Variants in COPG2 observed in about 807,000 individuals in gnomAD.
COPG2 encodes coat protein complex I subunit gamma 2, also known as coatomer subunit gamma-2.
COPG2 carries 37 observed loss-of-function variants against 46.3 expected under a neutral mutation model. That is an observed-to-expected ratio of 0.80 (90% CI 0.61 to 1.05). The LOEUF (loss-of-function observed/expected upper bound fraction) is 1.05. Among genes scored for constraint, COPG2 ranks in the 50% least tolerant of loss-of-function variants. The pLI, the probability that COPG2 is intolerant of heterozygous loss-of-function variation, is 0.00. For missense variants in COPG2, 427 were observed against 387.8 expected (o/e 1.10, Z -0.85); for synonymous variants, 159 against 129.7 (o/e 1.23, Z -1.53).
At chr7:130,619,421 C>T (rs1795001446) in intron 5 of COPG2, among the ~76,000 whole-genome samples, 1 of 151,988 alleles carries the variant, frequency 6.6e-6, no homozygotes, top group Non-Finnish European at 1.5e-5. Flanking sequence ...TTTGTCGCTG[C>T]CATAAAACTT....
intron 5 of COPG2, among the ~76,000 whole-genome samples, chr7:130,625,996 T>C (rs1554454236): frequency 6.6e-6 from 1 of 152,190 alleles, no homozygotes; most frequent in Non-Finnish European, 1.5e-5. Flanking sequence ...ACATAATAAT[T>C]GTATATACTG....
intron 5 of COPG2, among the ~76,000 whole-genome samples, chr7:130,643,937 C>A (rs1795542366): frequency 6.6e-6 from 1 of 152,156 alleles, no homozygotes; most frequent in African/African-American, 2.4e-5. Context: ...CCACTGCACT[C>A]CAGCCTGGGT....
chr7:130,595,733 G>A lies in COPG2; in HGVS notation c.737+15220C>T, dbSNP rs138154629. On this transcript the variant is annotated intron_variant, in intron 9 of 23. Coordinates refer to ENST00000425248, the MANE Select transcript of COPG2 (RefSeq NM_012133.6). ...TTTCACTATTTTCTGACTCATCCTT[G>A]AATTCCTTCTCATGATGGTGTCAAG... Among the ~76,000 whole-genome samples, 964 of 152,210 alleles carry A rather than the reference G, an allele frequency of 6.3e-3. 8 individuals carry two copies. The highest frequency in any genetic ancestry group is 0.022 in the African/African-American group (912 of 41,528).
chr7:130,656,237 G>T, intron 4 of COPG2, among the ~76,000 whole-genome samples: 1 of 149,492 alleles, frequency 6.7e-6, no homozygotes, highest in African/African-American at 2.5e-5. Flanking sequence ...CAATTAGTTT[G>T]GAAGAGAAAA....
intron 9 of COPG2, among the ~76,000 whole-genome samples, chr7:130,588,362 C>T (rs1427228203): frequency 1.3e-5 from 2 of 151,932 alleles, no homozygotes; most frequent in Admixed American, 1.3e-4. Context: ...TTTATTGCAG[C>T]ATTATTCACA....
chr7:130,558,672 C>T (rs1793668699), intron 12 of COPG2, among the ~76,000 whole-genome samples: 1 of 152,112 alleles, frequency 6.6e-6, no homozygotes, highest in African/African-American at 2.4e-5. Flanking sequence ...AGGTGTGCAC[C>T]ACCATGTCTG....
chr7:130,577,217 G>A (rs1331522730), intron 9 of COPG2, among the ~76,000 whole-genome samples: 2 of 152,228 alleles, frequency 1.3e-5, no homozygotes, highest in Non-Finnish European at 2.9e-5. Flanking sequence ...CAGTGTGAGC[G>A]ACGCAGAAGA....
intron 9 of COPG2, among the ~76,000 whole-genome samples, chr7:130,600,557 C>T (rs1794616902): frequency 6.6e-6 from 1 of 152,186 alleles, no homozygotes; most frequent in Non-Finnish European, 1.5e-5. Flanking sequence ...GCCACTATGC[C>T]TGGCCCATTT....
intron 20 of COPG2, among the ~76,000 whole-genome samples, chr7:130,524,679 T>C (rs1799757346): frequency 6.6e-6 from 1 of 152,016 alleles, no homozygotes. Flanking sequence ...TGTGACGCAG[T>C]TCATGGATGA....
At chr7:130,605,500 A>C (rs1246089908) in intron 9 of COPG2, among the ~76,000 whole-genome samples, 1 of 152,256 alleles carries the variant, frequency 6.6e-6, no homozygotes, top group Admixed American at 6.5e-5. Context: ...GGCAAATCAG[A>C]GAGATTCAAA....
intron 9 of COPG2, among the ~76,000 whole-genome samples, chr7:130,588,109 A>C (rs535510031): frequency 0.74 from 109,085 of 148,382 alleles, 40,308 homozygotes; most frequent in Non-Finnish European, 0.79. Context: ...CCATCTCACA[A>C]CAGTTAGAAT....
intron 5 of COPG2, among the ~76,000 whole-genome samples, chr7:130,621,475 T>C (rs924354701): frequency 1.1e-4 from 16 of 152,228 alleles, no homozygotes; most frequent in Non-Finnish European, 1.6e-4. Flanking sequence ...AAGGCAGTTA[T>C]ACACAATACA....
Position 130,652,950 on chromosome 7 carries a change from T to G in COPG2, c.244-2A>C. 1 of 1,584,704 alleles carries G rather than the reference T, an allele frequency of 6.3e-7. No homozygotes were observed. Among genetic ancestry groups the G allele is most frequent in the Non-Finnish European group, 8.6e-7 (1 of 1,159,722 alleles). On this transcript the variant is annotated splice_acceptor_variant, in intron 4 of 23. Coordinates refer to ENST00000425248, the MANE Select transcript of COPG2 (RefSeq NM_012133.6). LOFTEE classifies it high-confidence loss of function. ...GTAGCACATTCTCCTCAATGTTTGC[T>G]GAAAAATCATTTATAAAAGGTAACA...
At chr7:130,628,196 G>C (rs1441296742) in intron 5 of COPG2, among the ~76,000 whole-genome samples, 7 of 152,046 alleles carry the variant, frequency 4.6e-5, no homozygotes, top group Non-Finnish European at 8.8e-5. Context: ...GGTCTGGCTA[G>C]TTTTATATTT....
chr7:130,652,888 C>T lies in COPG2; in HGVS notation c.304G>A (p.Val102Met). The change falls in exon 5 of 24, where the codon GTG (valine) becomes ATG (methionine). Residue 102 changes from valine to methionine, a missense_variant. Val to Met is a conservative substitution (Grantham distance 21). Coordinates refer to ENST00000425248, the MANE Select transcript of COPG2 (RefSeq NM_012133.6). Reference protein sequence around the residue: ...IKEMATISEDVIIVTSSLTKD... With the variant: ...IKEMATISEDMIIVTSSLTKD... Reference sequence around the variant, plus strand: ...ACATACCTGCTTGTGACAATTATCACATCCTCAGAGATGGTAGCCATTTCT... The same window carrying T: ...ACATACCTGCTTGTGACAATTATCATATCCTCAGAGATGGTAGCCATTTCT... The T allele has an allele frequency of 6.2e-7, 1 of 1,605,000 alleles. No individual in the cohort carries two copies. Among genetic ancestry groups the T allele is most frequent in the Non-Finnish European group, 8.5e-7 (1 of 1,174,280 alleles).
At chr7:130,524,368 C>A (rs954406867) in intron 20 of COPG2, among the ~76,000 whole-genome samples, 2 of 152,122 alleles carry the variant, frequency 1.3e-5, no homozygotes, top group Non-Finnish European at 2.9e-5. Flanking sequence ...GCAGGTGGGA[C>A]AGTACCGTGC....
rs1451251739 is a variant in COPG2 at position 130,570,992 on chromosome 7, G to C, written c.738-6599C>G. ...CAAATGATGCTGGGCTAATTGGCTA[G>C]CCATGCGTAGGAGAATGAAACTGGA... On this transcript the variant is annotated intron_variant, in intron 9 of 23. Coordinates refer to ENST00000425248, the MANE Select transcript of COPG2 (RefSeq NM_012133.6). 3.3e-5 allele frequency among the ~76,000 whole-genome samples: 5 copies of C among 152,318 alleles called. No homozygotes were observed. The South Asian group carries it at 8.3e-4, about 25-fold the overall frequency.
chr7:130,577,801 A>G (rs539816131), intron 9 of COPG2, among the ~76,000 whole-genome samples: 1 of 151,320 alleles, frequency 6.6e-6, no homozygotes, highest in Non-Finnish European at 1.5e-5. Flanking sequence ...AAAAAAAAAA[A>G]CAGCCCACCA....
chr7:130,513,390 T>C (rs140432268), intron 20 of COPG2, among the ~76,000 whole-genome samples: 9,953 of 118,828 alleles, frequency 0.084, 498 homozygotes, highest in Middle Eastern at 0.1. Context: ...TGTGTGTGTG[T>C]ATATATATAT....
Sources: allele counts gnomAD v4.1 joint callset (sites outside exome capture counted in the v4.1 genomes callset), GRCh38; gene constraint gnomAD v4.1.1; transcripts MANE v1.5; gene names NCBI Gene and HGNC (gene_info 2026-07-23, HGNC 2026-07-21).